Variants in ZNF407 observed in about 807,000 individuals in gnomAD.
The protein encoded by ZNF407 is zinc finger protein 407.
Under a neutral mutation model 131.2 loss-of-function variants are expected in ZNF407, and 17 were observed. That is an observed-to-expected ratio of 0.13 (90% CI 0.09 to 0.19). The LOEUF is 0.19. Among genes scored for constraint, ZNF407 ranks in the 10% least tolerant of loss-of-function variants. The probability of loss-of-function intolerance (pLI) is 1.00; values close to 1 mark genes in which losing one functional copy is unlikely to be tolerated. For missense variants in ZNF407, 2,681 were observed against 2,830.6 expected, an observed-to-expected ratio of 0.95 and a Z score of 1.20; for synonymous variants, 1,156 against 1,062.0, an observed-to-expected ratio of 1.09 and a Z score of -1.72.
chr18:74,693,047 C>T (rs1181830632), intron 3 of ZNF407, among the ~76,000 whole-genome samples: 1 of 152,212 alleles, frequency 6.6e-6, no homozygotes, highest in Non-Finnish European at 1.5e-5. Context: ...GTGCCCTGTA[C>T]TGTGGTGCAC....
At chr18:74,699,122 C>T (rs1209753680) in intron 3 of ZNF407, among the ~76,000 whole-genome samples, 3 of 152,104 alleles carry the variant, frequency 2.0e-5, no homozygotes, top group African/African-American at 4.8e-5. Context: ...TTTTTTTTAA[C>T]GTTCTGGCAC....
intron 4 of ZNF407, among the ~76,000 whole-genome samples, chr18:74,831,992 A>C (rs901805735): frequency 1.3e-5 from 2 of 152,146 alleles, no homozygotes; most frequent in African/African-American, 4.8e-5. Flanking sequence ...CTAACACCTT[A>C]CACTAAGATT....
intron 1 of ZNF407, among the ~76,000 whole-genome samples, chr18:74,622,450 G>A (rs764642594): frequency 6.6e-5 from 10 of 152,054 alleles, no homozygotes; most frequent in Admixed American, 2.6e-4. Flanking sequence ...CCTGCGAGGA[G>A]CAGGGAATCC....
At chr18:74,625,036 A>G (rs1983725614) in intron 1 of ZNF407, among the ~76,000 whole-genome samples, 1 of 152,152 alleles carries the variant, frequency 6.6e-6, no homozygotes. Flanking sequence ...ACAGAATCTT[A>G]CCCCAATGCA....
In ZNF407 at chr18:74,824,130, T is replaced by C. The variant is rs141314297; in HGVS notation, c.4877+42628T>C. Among the ~76,000 whole-genome samples, 526 of 152,090 alleles carry C rather than the reference T, an allele frequency of 3.5e-3. 1 individual carries two copies. The highest frequency in any genetic ancestry group is 0.012 in the African/African-American group (488 of 41,474). ...AGTGACTACTGGATAAATAACGAAA[T>C]GAAGGCAGAAATAAAGATGTTCTTT... On this transcript the variant is annotated intron_variant, in intron 4 of 8. Transcript: ENST00000299687.
At chr18:74,751,786 G>A (rs928103207) in intron 3 of ZNF407, among the ~76,000 whole-genome samples, 1 of 152,172 alleles carries the variant, frequency 6.6e-6, no homozygotes, top group Admixed American at 6.5e-5. Context: ...GGACATCTGG[G>A]TTAGTACCAA....
At chr18:74,947,693 C>T (rs553677960) in intron 8 of ZNF407, among the ~76,000 whole-genome samples, 1 of 150,830 alleles carries the variant, frequency 6.6e-6, no homozygotes, top group African/African-American at 2.5e-5. Flanking sequence ...AGATCAGAGT[C>T]AGCCTCACTC....
At position 75,063,394 on chromosome 18, in the gene ZNF407, GA is replaced by G; in HGVS notation, c.5674del (p.Thr1892ArgfsTer30). The G allele has an allele frequency of 6.2e-7, 1 of 1,611,424 alleles. No homozygotes were observed. Among genetic ancestry groups the G allele is most frequent in the Non-Finnish European group, 8.5e-7 (1 of 1,179,188 alleles). On this transcript the variant is annotated frameshift_variant, in exon 9 of 9. Coordinates refer to ENST00000299687, the MANE Select transcript of ZNF407 (RefSeq NM_017757.3). LOFTEE classifies it low-confidence loss of function (END_TRUNC). The surrounding 1 kb of genome is among the most constrained non-coding windows in gnomAD (Gnocchi z 6.6). Reference protein sequence around the residue: ...VEETAAATLQTLAMAGQVARV... With the variant: ...VEETAAATLQXLAMAGQVARV... ...AGGAGACGGCCGCCGCCACGCTGCA[GA>G]CGCTGGCCATGGCCGGCCAGGTGGC...
At chr18:74,730,483 G>A (rs1025022654) in intron 3 of ZNF407, among the ~76,000 whole-genome samples, 14 of 152,282 alleles carry the variant, frequency 9.2e-5, no homozygotes, top group East Asian at 3.9e-4. Flanking sequence ...GTCATTACCC[G>A]AAGTAGCTAC....
chr18:74,726,008 T>G (rs1167766565), intron 3 of ZNF407, among the ~76,000 whole-genome samples: 1 of 152,182 alleles, frequency 6.6e-6, no homozygotes, highest in African/African-American at 2.4e-5. Flanking sequence ...AGATTTTACT[T>G]CTGTGATATT....
chr18:74,774,146 A>T (rs1355403227), intron 3 of ZNF407, among the ~76,000 whole-genome samples: 2 of 152,232 alleles, frequency 1.3e-5, no homozygotes, highest in Non-Finnish European at 2.9e-5. Context: ...TATGGTATAA[A>T]ATCCAAGAGT....
chr18:75,033,738 G>C (rs184646588), intron 8 of ZNF407, among the ~76,000 whole-genome samples: 1 of 152,134 alleles, frequency 6.6e-6, no homozygotes, highest in Non-Finnish European at 1.5e-5. Context: ...GCATTGCAGC[G>C]GGAGACCTAA....
chr18:74,784,060 C>T (rs1377585532), intron 4 of ZNF407, among the ~76,000 whole-genome samples: 1 of 152,146 alleles, frequency 6.6e-6, no homozygotes, highest in African/African-American at 2.4e-5. Flanking sequence ...TCCTCCCTTC[C>T]TTCTAGTGGT....
At chr18:74,778,760 T>C (rs1209032461) in intron 3 of ZNF407, among the ~76,000 whole-genome samples, 1 of 152,074 alleles carries the variant, frequency 6.6e-6, no homozygotes, top group Non-Finnish European at 1.5e-5. Context: ...TTGAACGGTC[T>C]GTGTTTTCGT....
chr18:74,748,307 C>A (rs1264089020), intron 3 of ZNF407, among the ~76,000 whole-genome samples: 7 of 148,898 alleles, frequency 4.7e-5, no homozygotes, highest in Non-Finnish European at 7.4e-5. Flanking sequence ...TTGTCCTCTG[C>A]AATAAGTAGT....
At chr18:74,948,553 C>T (rs575916058) in intron 8 of ZNF407, among the ~76,000 whole-genome samples, 2 of 152,184 alleles carry the variant, frequency 1.3e-5, no homozygotes, top group East Asian at 1.9e-4. Flanking sequence ...GTTGAATCCC[C>T]GACACTACCA....
chr18:74,881,073 C>G lies in ZNF407; in HGVS notation c.5082C>G (p.Ala1694=). 2 of 1,562,458 alleles carry G rather than the reference C, an allele frequency of 1.3e-6. No individual in the cohort carries two copies. Among genetic ancestry groups the G allele is most frequent in the Admixed American group, 3.8e-5 (2 of 53,296 alleles). ...TTCTGTGTGACCTCTGCGGCTTTGC[C>G]GGCGGGACCCGCCACGCCCTCACCA... The part of the protein sequence containing the change: ...KSFLCDLCGF[A]GGTRHALTKH... The change falls in exon 6 of 9, where the codon GCC becomes GCG. Residue 1694 remains alanine, a synonymous_variant. Transcript: ENST00000299687.
intron 7 of ZNF407, among the ~76,000 whole-genome samples, chr18:74,915,404 A>AGTGT (rs61019062): frequency 4.7e-5 from 5 of 105,790 alleles, no homozygotes; most frequent in Admixed American, 3.8e-4. Flanking sequence ...TCGAATCAGG[A>AGTGT]GTGTGTGTGT....
chr18:75,024,777 A>G (rs1165069913), intron 8 of ZNF407, among the ~76,000 whole-genome samples: 11 of 152,346 alleles, frequency 7.2e-5, no homozygotes, highest in African/African-American at 2.6e-4. Context: ...GTAAGACATC[A>G]AGTTCTCAGA....
Sources: gnomAD v4.1 joint callset for allele counts (sites outside exome capture counted in the v4.1 genomes callset) on GRCh38, gnomAD v4.1.1 for gene constraint, Gnocchi (gnomAD v3.1) non-coding constraint, MANE v1.5 for transcripts, NCBI Gene and HGNC (gene_info 2026-07-23, HGNC 2026-07-21) for gene names.